Variants in TRIM31 observed in about 807,000 individuals in gnomAD.
The protein encoded by TRIM31 is tripartite motif containing 31.
TRIM31 carries 31 observed loss-of-function variants against 40.6 expected under a neutral mutation model. That is an observed-to-expected ratio of 0.76 (90% CI 0.57 to 1.03). The LOEUF (loss-of-function observed/expected upper bound fraction) is 1.03. TRIM31 is among the 50% of genes least tolerant of loss of function. The pLI, the probability that TRIM31 is intolerant of heterozygous loss-of-function variation, is 0.00. For synonymous variants in TRIM31, 164 were observed against 193.9 expected (o/e 0.85, Z 1.28); for missense variants, 455 against 497.5 (o/e 0.91, Z 0.81).
intron 5 of TRIM31, 57 bp from the exon 6 acceptor site, chr6:30,108,225 G>A: frequency 7.9e-7 from 1 of 1,273,696 alleles, no homozygotes; most frequent in South Asian, 1.2e-5. Flanking sequence ...GTGGGAGAAG[G>A]AGGATCTGAG....
At chr6:30,105,559 C>G (rs902234074) in intron 6 of TRIM31, 2 of 191,282 alleles carry the variant, frequency 1.0e-5, no homozygotes, top group Non-Finnish European at 2.1e-5. Flanking sequence ...GTAAAATTAA[C>G]TTTAATTATA....
chr6:30,109,139 G>C, intron 4 of TRIM31, 91 bp from the exon 5 acceptor site: 2 of 1,328,504 alleles, frequency 1.5e-6, no homozygotes, highest in Non-Finnish European at 1.1e-6. Flanking sequence ...GTGTGGGGCA[G>C]AGCAGGAGGA....
At position 30,103,382 on chromosome 6, in the gene TRIM31, T is replaced by A. The variant is rs2127377569; in HGVS notation, c.*154A>T. ...CTTCACCACCACCCCCGCCCCCATC[T>A]CCACTCTCAGTAGCCCGAGCCCTCC... On this transcript the variant is annotated 3_prime_UTR_variant, in exon 9 of 9. Coordinates refer to ENST00000376734, the MANE Select transcript of TRIM31 (RefSeq NM_007028.5). 8.2e-4 allele frequency: 616 copies of A among 754,102 alleles called. No homozygotes were observed. The highest frequency in any genetic ancestry group is 1.2e-3 in the Non-Finnish European group (565 of 466,606). 46.7% of individuals were successfully genotyped at this position (754,102 alleles called of 1,614,324 possible). A position where few individuals can be genotyped will look rare whatever the true frequency, so the allele number is the denominator to read the frequency against.
chr6:30,113,034 A>G (rs770561419), intron 1 of TRIM31, 30 bp downstream of exon 1: 5 of 517,088 alleles, frequency 9.7e-6, no homozygotes, highest in Non-Finnish European at 1.7e-5. Context: ...AAAATATTAT[A>G]AAGAGAGGAA....
Position 30,112,695 on chromosome 6 carries a change from GAGGC to G in TRIM31, c.107_110del (p.Cys36SerfsTer24). 6.2e-7 allele frequency: 1 copy of G among 1,613,132 alleles called. No individual in the cohort carries two copies. ...TTTCCCCAATCTGAGTGATGCATTT[GAGGC>G]AGAAATTGTGCCCACAGTCGATGGT... On this transcript the variant is annotated frameshift_variant, in exon 2 of 9. Coordinates refer to ENST00000376734, the MANE Select transcript of TRIM31 (RefSeq NM_007028.5). LOFTEE classifies it high-confidence loss of function.
At chr6:30,105,899 G>A (rs1042245562) in intron 6 of TRIM31, among the ~76,000 whole-genome samples, 13 of 152,164 alleles carry the variant, frequency 8.5e-5, no homozygotes, top group African/African-American at 2.4e-4. Flanking sequence ...GGTAAGGGGG[G>A]GCCCCACTCT....
rs144392650 is a variant in TRIM31, at chr6:30,111,753, G to A, written c.418-10C>T. On this transcript the variant is annotated splice_polypyrimidine_tract_variant and intron_variant, in intron 2 of 8. Coordinates refer to ENST00000376734, the MANE Select transcript of TRIM31 (RefSeq NM_007028.5). Reference sequence around the variant, plus strand: ...GCTCTTGAATCTGCCCCTGCGGAAAGAGGGCCGTTTGGACAGGCTGTGCCT... The same window carrying A: ...GCTCTTGAATCTGCCCCTGCGGAAAAAGGGCCGTTTGGACAGGCTGTGCCT... 5.3e-5 allele frequency: 86 copies of A among 1,614,132 alleles called. 1 individual carries two copies. The East Asian group carries it at 1.8e-3, about 34-fold the overall frequency.
chr6:30,108,113 T>A lies in TRIM31; in HGVS notation c.823A>T (p.Lys275Ter). The A allele has an allele frequency of 6.2e-7, 1 of 1,612,278 alleles. No individual in the cohort carries two copies. Among genetic ancestry groups the A allele is most frequent in the South Asian group, 1.1e-5 (1 of 91,060 alleles). Residue 275 changes from lysine (K) to a stop codon, truncating the protein, a stop_gained, in exon 6 of 9, where the codon AAA becomes TAA. Coordinates refer to ENST00000376734, the MANE Select transcript of TRIM31 (RefSeq NM_007028.5). LOFTEE classifies it high-confidence loss of function. ...PTPVPLELEK[K>*]LSEAKSRHDS... ...TGTCTTGATTTTGCTTCACTGAGTT[T>A]TTTCTCCAGTTCCAGAGGAACAGGG... is the stretch of plus-strand genomic sequence containing the variant.
chr6:30,112,113 G>T (rs1332532851), intron 2 of TRIM31: 4 of 561,730 alleles, frequency 7.1e-6, no homozygotes, highest in African/African-American at 5.6e-5. Context: ...ATTCCTTGCA[G>T]GTTGTACAGT....
At chr6:30,105,792 T>C (rs796515028) in intron 6 of TRIM31, 3 of 152,464 alleles carry the variant, frequency 2.0e-5, no homozygotes, top group African/African-American at 7.2e-5. Context: ...TCTCACTGCC[T>C]GACAAAGGTA....
At chr6:30,104,222 T>A in intron 7 of TRIM31, 55 bp from the exon 8 acceptor site, 2 of 1,578,656 alleles carry the variant, frequency 1.3e-6, no homozygotes, top group Admixed American at 1.7e-5. Context: ...AGCTGCAAAT[T>A]AAAAACAAAA....
chr6:30,105,030 A>G, intron 7 of TRIM31, 138 bp downstream of exon 7: 1 of 749,634 alleles, frequency 1.3e-6, no homozygotes, highest in Non-Finnish European at 2.3e-6. Flanking sequence ...TAAAACAACC[A>G]TATGCCTGTT....
Position 30,108,026 on chromosome 6 carries a change from A to C in TRIM31, c.883+27T>G, listed in dbSNP as rs113251263. ...GAGAGAATCTCCTGGAAGTAGGTGA[A>C]TAGAGAAAATACAGCCTCTTCCTTA... On this transcript the variant is annotated intron_variant, in intron 6 of 8. Coordinates refer to ENST00000376734, the MANE Select transcript of TRIM31 (RefSeq NM_007028.5). 8.9e-3 allele frequency: 12,682 copies of C among 1,424,034 alleles called. 255 individuals carry two copies. Among genetic ancestry groups the C allele is most frequent in the African/African-American group, 0.067 (4,752 of 71,438 alleles). The allele number at this position is 1,424,034 out of a possible 1,614,324, so 88.2% of individuals were successfully genotyped here. A position where few individuals can be genotyped will look rare whatever the true frequency, so the allele number is the denominator to read the frequency against.
At chr6:30,109,330 G>C (rs1013401794) in intron 4 of TRIM31, among the ~76,000 whole-genome samples, 1 of 140,064 alleles carries the variant, frequency 7.1e-6, no homozygotes, top group African/African-American at 2.5e-5. Flanking sequence ...CTGAACAAGG[G>C]AGCCTGCTAG....
Position 30,103,622 on chromosome 6 carries a change from C to T in TRIM31, c.1192G>A (p.Val398Ile). 2 of 1,613,062 alleles carry T rather than the reference C, an allele frequency of 1.2e-6. No homozygotes were observed. Among genetic ancestry groups the T allele is most frequent in the Non-Finnish European group, 1.7e-6 (2 of 1,180,042 alleles). Residue 398 changes from valine to isoleucine, a missense_variant, in exon 9 of 9, where the codon GTT becomes ATT. Val to Ile is a conservative substitution (Grantham distance 29). Transcript: ENST00000376734. The part of the protein sequence containing the change: ...ASSQDTKTFD[V>I]ALSEELHAAL... ...GCATGGAGCTCCTCGGACAGCGCAACGTCAAATGTCTTCGTATCCTGAGAG... is the reference window on the plus strand; with the variant it reads ...GCATGGAGCTCCTCGGACAGCGCAATGTCAAATGTCTTCGTATCCTGAGAG...
intron 5 of TRIM31, chr6:30,108,672 G>C: frequency 2.3e-6 from 1 of 443,778 alleles, no homozygotes; most frequent in Non-Finnish European, 4.1e-6. Context: ...GGCATAGGGA[G>C]ATATGGAAAT....
chr6:30,103,974 C>G (rs1486312277), intron 8 of TRIM31, 128 bp downstream of exon 8: 1 of 1,381,910 alleles, frequency 7.2e-7, no homozygotes, highest in African/African-American at 1.5e-5. Flanking sequence ...TGGGGAGGAA[C>G]TGAGGAAATG....
intron 6 of TRIM31, 146 bp downstream of exon 6, chr6:30,107,907 C>T (rs1768876943): frequency 1.1e-5 from 7 of 620,724 alleles, no homozygotes; most frequent in East Asian, 2.7e-5. Context: ...CATACTGATG[C>T]GTGGAAAGTA....
In TRIM31 at chr6:30,103,440, G is replaced by A; in HGVS notation, c.*96C>T. ...CACTCCTTCGACCCAATTCCACTAA[G>A]TCAAGAACCGTGGTCGGTCTCAGCC... On this transcript the variant is annotated 3_prime_UTR_variant, in exon 9 of 9. Transcript: ENST00000376734. The A allele has an allele frequency of 6.5e-7, 1 of 1,544,392 alleles. No individual in the cohort carries two copies. Among genetic ancestry groups the A allele is most frequent in the Non-Finnish European group, 8.7e-7 (1 of 1,145,354 alleles).
Sources: gnomAD v4.1 joint callset for allele counts (sites outside exome capture counted in the v4.1 genomes callset) on GRCh38, gnomAD v4.1.1 for gene constraint, MANE v1.5 for transcripts, NCBI Gene and HGNC (gene_info 2026-07-23, HGNC 2026-07-21) for gene names.